The following SLK variants were observed in gnomAD, a reference collection of about 807,000 sequenced individuals.
SLK encodes the protein STE20 like kinase, also known as STE20-like serine/threonine-protein kinase.
In SLK, 67 loss-of-function variants were observed where a neutral mutation model predicts 147.7. The observed-to-expected ratio is 0.45, with a 90% CI of 0.37 to 0.56. The LOEUF (loss-of-function observed/expected upper bound fraction) is 0.56. Ranked by LOEUF, SLK falls within the 20% of genes least tolerant of loss-of-function variation. The pLI, the probability that SLK is intolerant of heterozygous loss-of-function variation, is 0.00. For synonymous variants in SLK, 441 were observed against 475.0 expected, an observed-to-expected ratio of 0.93 and a Z score of 0.93; for missense variants, 1,136 against 1,438.8, an observed-to-expected ratio of 0.79 and a Z score of 3.41.
intron 9 of SLK, among the ~76,000 whole-genome samples, 164 bp from the exon 10 acceptor site, chr10:104,005,393 GTTCC>G (rs1351580127): frequency 6.6e-6 from 1 of 152,154 alleles, no homozygotes; most frequent in Non-Finnish European, 1.5e-5. Context: ...GTTATAACTG[GTTCC>G]ACAGATGAGT....
At chr10:103,983,050 GGT>G (rs67772110) in intron 1 of SLK, among the ~76,000 whole-genome samples, 32,443 of 152,038 alleles carry the variant, frequency 0.21, 3,825 homozygotes, top group African/African-American at 0.32. Context: ...CTATGTGAGG[GGT>G]GTGTGTATGT....
intron 1 of SLK, among the ~76,000 whole-genome samples, chr10:103,972,448 G>A (rs1843805061): frequency 6.6e-6 from 1 of 152,150 alleles, no homozygotes; most frequent in Admixed American, 6.5e-5. Flanking sequence ...CGAGGCGGGC[G>A]GATCACGAAG....
At chr10:104,004,450 G>A (rs1340800840) in intron 9 of SLK, among the ~76,000 whole-genome samples, 1 of 152,156 alleles carries the variant, frequency 6.6e-6, no homozygotes, top group Admixed American at 6.6e-5. Flanking sequence ...CTTTTAGTAG[G>A]AGCTGAAGAA....
chr10:104,008,812 A>G (rs1844362667), intron 12 of SLK, among the ~76,000 whole-genome samples: 3 of 152,148 alleles, frequency 2.0e-5, no homozygotes, highest in African/African-American at 7.2e-5. Context: ...GTTATTTTTC[A>G]TCTTTAATTC....
intron 1 of SLK, among the ~76,000 whole-genome samples, chr10:103,976,789 T>G (rs1362775385): frequency 6.6e-6 from 1 of 152,220 alleles, no homozygotes; most frequent in East Asian, 1.9e-4. Flanking sequence ...TAGCCCTTAC[T>G]TGCTTTCGGA....
chr10:104,022,665 T>A (rs1426487680), intron 18 of SLK, among the ~76,000 whole-genome samples: 3 of 152,150 alleles, frequency 2.0e-5, no homozygotes, highest in Admixed American at 6.5e-5. Context: ...TGGAGTGCAA[T>A]GGTGCGATCT....
chr10:103,996,907 A>G (rs186004697), intron 4 of SLK, among the ~76,000 whole-genome samples: 41 of 151,880 alleles, frequency 2.7e-4, no homozygotes, highest in African/African-American at 9.9e-4. Context: ...TTTCTTTTTT[A>G]TCGTAGGAAA....
chr10:104,018,079 A>G (rs574445060), intron 13 of SLK, 81 bp from the exon 14 acceptor site: 322 of 1,160,088 alleles, frequency 2.8e-4, no homozygotes, highest in Non-Finnish European at 3.6e-4. Context: ...CTTGTTAACC[A>G]CTAATATATA....
chr10:104,010,930 T>A, intron 13 of SLK, 22 bp downstream of exon 13: 1 of 1,485,164 alleles, frequency 6.7e-7, no homozygotes, highest in South Asian at 1.3e-5. Context: ...AGCTTAATGC[T>A]ACTAAAACCA....
chr10:104,021,035 G>C (rs759510525), intron 17 of SLK, among the ~76,000 whole-genome samples: 32 of 152,170 alleles, frequency 2.1e-4, no homozygotes, highest in Non-Finnish European at 3.7e-4. Context: ...TGAAATAAGT[G>C]ATAAGTTAAA....
intron 16 of SLK, among the ~76,000 whole-genome samples, chr10:104,020,221 A>G (rs1844517020): frequency 6.6e-6 from 1 of 152,320 alleles, no homozygotes; most frequent in African/African-American, 2.4e-5. Flanking sequence ...AAGTCAAGAT[A>G]TATGGCCTCA....
rs1446930332 is a variant in SLK at position 104,029,095 on chromosome 10, G to C, written c.*3375G>C. The C allele has an allele frequency of 6.6e-6, 1 of 151,980 alleles. No homozygotes were observed. The highest frequency in any genetic ancestry group is 1.9e-4 in the East Asian group (1 of 5,204). The allele number at this position is 151,980 out of a possible 1,614,324, so 9.4% of individuals were successfully genotyped here. A position where few individuals can be genotyped will look rare whatever the true frequency, so the allele number is the denominator to read the frequency against. ...CTGCAGCTTTTTGTGCTCCTTCTCT[G>C]GTTTGCAGTGTAATGAGTTCATAAG... On this transcript the variant is annotated 3_prime_UTR_variant, in exon 19 of 19. Transcript: ENST00000369755.
At chr10:103,969,873 C>T (rs1843770439) in intron 1 of SLK, among the ~76,000 whole-genome samples, 1 of 152,098 alleles carries the variant, frequency 6.6e-6, no homozygotes, top group South Asian at 2.1e-4. Flanking sequence ...ATGTAATTAG[C>T]CTGGAAAGGC....
At chr10:104,021,529 A>T (rs547285063) in intron 17 of SLK, 91 bp from the exon 18 acceptor site, 11 of 686,916 alleles carry the variant, frequency 1.6e-5, no homozygotes, top group Admixed American at 2.6e-5. Flanking sequence ...ATGATATTTG[A>T]TGAGTAATTT....
chr10:103,990,366 C>G (rs562803357), intron 1 of SLK, among the ~76,000 whole-genome samples: 3 of 152,298 alleles, frequency 2.0e-5, no homozygotes, highest in African/African-American at 7.2e-5. Flanking sequence ...TTCATCATAG[C>G]AACAGATGTA....
intron 4 of SLK, among the ~76,000 whole-genome samples, chr10:103,998,195 T>A (rs1353161310): frequency 2.6e-5 from 4 of 152,214 alleles, no homozygotes; most frequent in Non-Finnish European, 5.9e-5. Context: ...GAGTGTATAC[T>A]CTGTGGTAGG....
rs762746493 is a variant in SLK at position 104,026,992 on chromosome 10, T to C, written c.*1272T>C. 1 of 152,232 alleles carries C rather than the reference T, an allele frequency of 6.6e-6. No individual in the cohort carries two copies. The highest frequency in any genetic ancestry group is 1.5e-5 in the Non-Finnish European group (1 of 68,036). 9.4% of individuals were successfully genotyped at this position (152,232 alleles called of 1,614,324 possible). On this transcript the variant is annotated 3_prime_UTR_variant, in exon 19 of 19. Transcript: ENST00000369755. ...CCACGTGTCAGGTCAGACAGTATTA[T>C]AAACTGTACTTTGCTGTCTGAGACA...
intron 11 of SLK, among the ~76,000 whole-genome samples, chr10:104,007,468 C>G (rs988602490): frequency 7.9e-5 from 12 of 151,956 alleles, no homozygotes; most frequent in Admixed American, 7.9e-4. Flanking sequence ...ATTAGCTAGG[C>G]AGGATGTCAC....
rs1843794175 is a variant in SLK at position 103,971,559 on chromosome 10, AC to A, written c.150+3665del. Among the ~76,000 whole-genome samples the A allele has an allele frequency of 1.3e-4, 20 of 152,358 alleles. No homozygotes were observed. The South Asian group carries it at 4.1e-3, about 32-fold the overall frequency. ...AGTGTTGGGATTAGAGGCATGAGCC[AC>A]TGCCCCTCACCCCCTGCTGGATTTC... On this transcript the variant is annotated intron_variant, in intron 1 of 18. Transcript: ENST00000369755.
Sources: gnomAD v4.1 joint callset for allele counts (sites outside exome capture counted in the v4.1 genomes callset) on GRCh38, gnomAD v4.1.1 for gene constraint, MANE v1.5 for transcripts, NCBI Gene and HGNC (gene_info 2026-07-23, HGNC 2026-07-21) for gene names.